The following CTNNA2 variants were observed in gnomAD, a reference collection of about 807,000 sequenced individuals.
The protein encoded by CTNNA2 is catenin alpha 2.
In CTNNA2, 42 loss-of-function variants were observed where a neutral mutation model predicts 101.0. The observed-to-expected ratio is 0.42, with a 90% CI of 0.32 to 0.54. CTNNA2 has a LOEUF of 0.54. CTNNA2 is among the 20% of genes least tolerant of loss of function. The pLI is 0.14. For synonymous variants in CTNNA2, 450 were observed against 456.4 expected, an observed-to-expected ratio of 0.99 and a Z score of 0.18; for missense variants, 871 against 1,223.1, an observed-to-expected ratio of 0.71 and a Z score of 4.29.
At chr2:80,380,229 G>A (rs1204456011) in intron 7 of CTNNA2, among the ~76,000 whole-genome samples, 1 of 151,842 alleles carries the variant, frequency 6.6e-6, no homozygotes, top group Non-Finnish European at 1.5e-5. Context: ...GTAGAGACGG[G>A]GTTTCACCGT....
intron 3 of CTNNA2, among the ~76,000 whole-genome samples, chr2:79,824,864 A>C (rs149129696): frequency 6.8e-4 from 103 of 152,196 alleles, no homozygotes; most frequent in African/African-American, 2.4e-3. Context: ...AACATTTGTT[A>C]ATTCTTGTGT....
chr2:80,469,969 A>T lies in CTNNA2; in HGVS notation c.1290+50368A>T, dbSNP rs906367506. On this transcript the variant is annotated intron_variant, in intron 9 of 18. Coordinates refer to ENST00000402739, the MANE Select transcript of CTNNA2 (RefSeq NM_001282597.3). Reference sequence around the variant, plus strand: ...TTTTAGAATGGGGCAATAGCAATATAACCCTAAGACATGGGCAAGGGTGGC... The same window carrying T: ...TTTTAGAATGGGGCAATAGCAATATTACCCTAAGACATGGGCAAGGGTGGC... Among the ~76,000 whole-genome samples the T allele has an allele frequency of 3.3e-5, 5 of 152,282 alleles. No individual in the cohort carries two copies. In the East Asian group the frequency reaches 7.7e-4, roughly 24 times the overall value.
intron 2 of CTNNA2, among the ~76,000 whole-genome samples, chr2:79,713,867 A>G (rs1281509947): frequency 6.6e-6 from 1 of 152,188 alleles, no homozygotes; most frequent in African/African-American, 2.4e-5. Flanking sequence ...TGAAATGAAA[A>G]GCACCCAAGA....
chr2:80,326,303 C>A (rs1257624162), intron 7 of CTNNA2, among the ~76,000 whole-genome samples: 2 of 152,168 alleles, frequency 1.3e-5, no homozygotes, highest in Non-Finnish European at 2.9e-5. Context: ...TATCATTTAA[C>A]TGGCAGTACA....
At chr2:79,361,993 A>G (rs1367152738) in intron 3 of CTNNA2, among the ~76,000 whole-genome samples, 1 of 152,182 alleles carries the variant, frequency 6.6e-6, no homozygotes, top group Non-Finnish European at 1.5e-5. Context: ...AATACTTTGC[A>G]TCCTTCAGTC....
Position 79,817,316 on chromosome 2 carries a change from CTTTT to C in CTNNA2, c.299-40674_299-40671del, listed in dbSNP as rs550422225. Reference sequence around the variant, plus strand: ...TGCAGAATAATGTATTTCTCTCTCACTTTTTTTTTTTTTTTTTTTTTTTTTTGCC... The same window carrying C: ...TGCAGAATAATGTATTTCTCTCTCACTTTTTTTTTTTTTTTTTTTTTTGCC... On this transcript the variant is annotated intron_variant, in intron 3 of 18. Transcript: ENST00000402739. Among the ~76,000 whole-genome samples the C allele has an allele frequency of 5.2e-3, 382 of 73,842 alleles. 3 individuals are homozygous for C. Among genetic ancestry groups the C allele is most frequent in the African/African-American group, 0.012 (248 of 21,218 alleles). The allele number at this position is 73,842 out of a possible 152,430, so 48.4% of individuals were successfully genotyped here.
chr2:80,113,071 T>A (rs1381664980), intron 7 of CTNNA2, among the ~76,000 whole-genome samples: 1 of 152,144 alleles, frequency 6.6e-6, no homozygotes, highest in African/African-American at 2.4e-5. Context: ...TTTACAGAGA[T>A]CTGGGAGCCT....
At chr2:80,082,851 T>C (rs950209238) in intron 7 of CTNNA2, among the ~76,000 whole-genome samples, 6 of 152,160 alleles carry the variant, frequency 3.9e-5, no homozygotes. Context: ...AGTATCTTAA[T>C]TAGATCATTT....
chr2:79,593,878 T>G (rs892278101), intron 1 of CTNNA2, among the ~76,000 whole-genome samples: 1 of 143,916 alleles, frequency 6.9e-6, no homozygotes, highest in Non-Finnish European at 1.5e-5. Context: ...GCCTTTCTTT[T>G]AGTTTTTTTT....
At position 80,291,632 on chromosome 2, in the gene CTNNA2, A is replaced by T. The variant is rs140484488; in HGVS notation, c.1057-101579A>T. On this transcript the variant is annotated intron_variant, in intron 7 of 18. Transcript: ENST00000402739. Reference sequence around the variant, plus strand: ...GTGTCCCAGGGGCCAGTATGATTTAATATTGCCAATATTAAATAAGAGTTT... The same window carrying T: ...GTGTCCCAGGGGCCAGTATGATTTATTATTGCCAATATTAAATAAGAGTTT... Among the ~76,000 whole-genome samples, 39 of 152,332 alleles carry T rather than the reference A, an allele frequency of 2.6e-4. No homozygotes were observed. In the East Asian group the frequency reaches 6.4e-3, roughly 25 times the overall value.
At position 79,427,359 on chromosome 2, in the gene CTNNA2, A is replaced by ATG. The variant is rs1364158324; in HGVS notation, c.-135+53359_-135+53360dup. ...GGGAGGTTGTTGGTTTTGTGTGTGC[A>ATG]TGTGTGTGTGTGTGATTTCTCTTCA... On this transcript the variant is annotated intron_variant, in intron 4 of 21. Transcript: ENST00000466387. Among the ~76,000 whole-genome samples, 91 of 151,154 alleles carry ATG rather than the reference A, an allele frequency of 6.0e-4. 1 individual carries two copies. Among genetic ancestry groups the ATG allele is most frequent in the Non-Finnish European group, 3.7e-4 (25 of 67,658 alleles).
At chr2:80,363,420 G>A (rs1425314571) in intron 7 of CTNNA2, among the ~76,000 whole-genome samples, 2 of 152,148 alleles carry the variant, frequency 1.3e-5, no homozygotes, top group Non-Finnish European at 1.5e-5. Flanking sequence ...TCTCAAGCAT[G>A]CTACATGATT....
At chr2:79,580,502 G>GA (rs1676085445) in intron 1 of CTNNA2, among the ~76,000 whole-genome samples, 1 of 152,082 alleles carries the variant, frequency 6.6e-6, no homozygotes, top group South Asian at 2.1e-4. Context: ...AGAGCCTCCA[G>GA]AAAAAAATGA....
chr2:80,127,602 C>T (rs967833766), intron 7 of CTNNA2, among the ~76,000 whole-genome samples: 2 of 152,084 alleles, frequency 1.3e-5, no homozygotes, highest in Non-Finnish European at 2.9e-5. Flanking sequence ...GACTCCATAC[C>T]CTAGCCCCTT....
intron 4 of CTNNA2, among the ~76,000 whole-genome samples, chr2:79,398,757 A>C (rs72919157): frequency 0.044 from 6,677 of 151,952 alleles, 491 homozygotes; most frequent in African/African-American, 0.15. Flanking sequence ...TATTGGCCCC[A>C]AAAAAACCTC....
chr2:79,581,089 G>T (rs1236826327), intron 1 of CTNNA2, among the ~76,000 whole-genome samples: 1 of 152,176 alleles, frequency 6.6e-6, no homozygotes. Context: ...AATGTATCAT[G>T]GCTGACCTTT....
At chr2:80,608,502 T>C (rs758596835) in intron 17 of CTNNA2, 184 bp downstream of exon 17, 21 of 508,646 alleles carry the variant, frequency 4.1e-5, no homozygotes, top group Non-Finnish European at 6.5e-5. Context: ...AATTTGATTT[T>C]CCAATTACCC....
chr2:79,403,346 TA>T (rs1390930565), intron 4 of CTNNA2, among the ~76,000 whole-genome samples: 1 of 151,964 alleles, frequency 6.6e-6, no homozygotes, highest in African/African-American at 2.4e-5. Flanking sequence ...CACCTAGAAC[TA>T]AACTGTTCAA....
At chr2:80,232,661 G>A (rs1478103080) in intron 7 of CTNNA2, among the ~76,000 whole-genome samples, 1 of 152,128 alleles carries the variant, frequency 6.6e-6, no homozygotes, top group Non-Finnish European at 1.5e-5. Flanking sequence ...CAGAAACAAA[G>A]TGGGACACAG....
Sources: allele counts gnomAD v4.1 joint callset (sites outside exome capture counted in the v4.1 genomes callset), GRCh38; gene constraint gnomAD v4.1.1; transcripts MANE v1.5; gene names NCBI Gene and HGNC (gene_info 2026-07-23, HGNC 2026-07-21).